The following MT4 variants were observed in gnomAD, a reference collection of about 807,000 sequenced individuals.
MT4 encodes the protein metallothionein 4, also known as metallothionein-4.
Under a neutral mutation model 9.5 loss-of-function variants are expected in MT4, and 11 were observed. The observed-to-expected ratio is 1.16, with a 90% CI of 0.73 to 1.92. The LOEUF is 1.92. Among genes scored for constraint, MT4 ranks in the 30% most tolerant of loss-of-function variants. The pLI is 0.00. For missense variants in MT4, 88 were observed against 78.7 expected (o/e 1.12, Z -0.45); for synonymous variants, 29 against 24.6 (o/e 1.18, Z -0.53).
chr16:56,568,620 AC>A (rs1959584425), intron 2 of MT4, among the ~76,000 whole-genome samples: 1 of 151,194 alleles, frequency 6.6e-6, no homozygotes, highest in Non-Finnish European at 1.5e-5. Context: ...ACCTTGGCAA[AC>A]CCCCTCCCTT....
intron 2 of MT4, among the ~76,000 whole-genome samples, chr16:56,568,269 GAGAGAAAGAAAGAA>G (rs1399843420): frequency 2.5e-4 from 21 of 84,550 alleles, no homozygotes; most frequent in African/African-American, 1.2e-3. Context: ...GAGAGAGAGA[GAGAGAAAGAAAGAA>G]AGAAAGAAAG....
chr16:56,567,482 A>G (rs1307393383), intron 1 of MT4, among the ~76,000 whole-genome samples: 1 of 152,052 alleles, frequency 6.6e-6, no homozygotes, highest in Admixed American at 6.6e-5. Context: ...AGAACATCTC[A>G]AGGGTTGGTC....
intron 1 of MT4, among the ~76,000 whole-genome samples, chr16:56,566,733 AGAAAGAAAGAAAGAAG>A (rs1436290561): frequency 3.0e-4 from 8 of 26,820 alleles, no homozygotes; most frequent in East Asian, 5.7e-4. Context: ...AAAGAAAGAA[AGAAAGAAAGAAAGAAG>A]GAAGGAAGGA....
Position 56,566,293 on chromosome 16 carries a change from G to A in MT4, c.31+1134G>A, listed in dbSNP as rs1959516725. On this transcript the variant is annotated intron_variant, in intron 1 of 2. Transcript: ENST00000219162. ...AATCCTGGCACTTGGGGAGTCCAAG[G>A]CAGGATGATCACTTATGCCCAAGGA... 2.0e-5 allele frequency among the ~76,000 whole-genome samples: 3 copies of A among 152,138 alleles called. No individual in the cohort carries two copies. The South Asian group carries it at 6.2e-4, about 32-fold the overall frequency.
chr16:56,568,271 G>GAAAGAAAGAAAGA (rs1349217551), intron 2 of MT4, among the ~76,000 whole-genome samples: 3 of 58,570 alleles, frequency 5.1e-5, no homozygotes, highest in African/African-American at 1.7e-4. Context: ...GAGAGAGAGA[G>GAAAGAAAGAAAGA]AGAAAGAAAG....
intron 1 of MT4, 24 bp from the exon 2 acceptor site, chr16:56,567,727 T>C (rs368681246): frequency 1.9e-6 from 3 of 1,610,332 alleles, no homozygotes; most frequent in African/African-American, 1.3e-5. Flanking sequence ...CTCACGTTTG[T>C]GGTGGCTCTG....
chr16:56,567,180 C>T (rs1036815583), intron 1 of MT4, among the ~76,000 whole-genome samples: 12 of 151,658 alleles, frequency 7.9e-5, no homozygotes, highest in Non-Finnish European at 1.5e-4. Context: ...TGTGCCACCA[C>T]GCCTGGCTAA....
intron 1 of MT4, among the ~76,000 whole-genome samples, chr16:56,567,267 A>G (rs1597046991): frequency 6.6e-6 from 1 of 151,022 alleles, no homozygotes; most frequent in South Asian, 2.1e-4. Context: ...CATGTGATTC[A>G]CCTGTCTTGG....
chr16:56,565,198 G>A (rs1257776859), intron 1 of MT4, 39 bp downstream of exon 1: 2 of 1,600,578 alleles, frequency 1.2e-6, no homozygotes, highest in Non-Finnish European at 1.7e-6. Flanking sequence ...GGGAACCTTG[G>A]ACCAGCTTCC....
At chr16:56,567,377 G>A (rs2144260041) in intron 1 of MT4, among the ~76,000 whole-genome samples, 1 of 152,212 alleles carries the variant, frequency 6.6e-6, no homozygotes, top group East Asian at 1.9e-4. Context: ...GCTTGGAAAC[G>A]CTGGCCTCGT....
chr16:56,567,164 C>A (rs1378793194), intron 1 of MT4, among the ~76,000 whole-genome samples: 3 of 151,996 alleles, frequency 2.0e-5, no homozygotes, highest in Non-Finnish European at 2.9e-5. Flanking sequence ...GCTGAGATTA[C>A]AGGTGTGTGC....
intron 2 of MT4, among the ~76,000 whole-genome samples, chr16:56,568,271 G>A (rs7499650): frequency 0.19 from 10,379 of 55,816 alleles, 1,155 homozygotes; most frequent in Middle Eastern, 0.24. Context: ...GAGAGAGAGA[G>A]AGAAAGAAAG....
rs1311324610 is a variant in MT4 at position 56,568,856 on chromosome 16, G to A, written c.113G>A (p.Cys38Tyr). The change falls in exon 3 of 3, where the codon TGC (cysteine) becomes TAC (tyrosine). Residue 38 changes from cysteine to tyrosine, a missense_variant. Cys to Tyr is a radical substitution (Grantham distance 194). Coordinates refer to ENST00000219162, the MANE Select transcript of MT4 (RefSeq NM_032935.3). The stretch of plus-strand genomic sequence containing the variant: ...ACTCTTTCAGGCTGCTGTCCCTGCT[G>A]CCCCCCGGGCTGTGCCAAATGTGCC... ...KTYWKSCCPC[C>Y]PPGCAKCARG... The A allele has an allele frequency of 1.9e-6, 3 of 1,603,988 alleles. No homozygotes were observed. The highest frequency in any genetic ancestry group is 2.2e-5 in the East Asian group (1 of 44,550).
intron 1 of MT4, among the ~76,000 whole-genome samples, chr16:56,566,568 G>A (rs74829562): frequency 0.036 from 5,133 of 143,002 alleles, 181 homozygotes; most frequent in African/African-American, 0.085. Flanking sequence ...GAGAGAGAAA[G>A]GGAGAAAGGG....
intron 2 of MT4, among the ~76,000 whole-genome samples, chr16:56,568,293 G>GAAAGAAA (rs1567330695): frequency 7.0e-6 from 1 of 142,622 alleles, no homozygotes; most frequent in Non-Finnish European, 1.5e-5. Flanking sequence ...AAGAAAGAAA[G>GAAAGAAA]AAAGAAAGAA....
Position 56,568,099 on chromosome 16 carries a change from G to A in MT4, c.97+283G>A, listed in dbSNP as rs569228306. Among the ~76,000 whole-genome samples the A allele has an allele frequency of 3.3e-5, 5 of 151,206 alleles. No homozygotes were observed. In the East Asian group the frequency reaches 9.7e-4, roughly 29 times the overall value. On this transcript the variant is annotated intron_variant, in intron 2 of 2. Coordinates refer to ENST00000219162, the MANE Select transcript of MT4 (RefSeq NM_032935.3). ...ACCCAGGAGGCAGAGGTTGCAGTGAGCAGAGATCACACCATTGCACTCCAG... is the reference window on the plus strand; with the variant it reads ...ACCCAGGAGGCAGAGGTTGCAGTGAACAGAGATCACACCATTGCACTCCAG...
At chr16:56,568,237 AAGAAAGAAAGAAAGAAAGAAAG>A (rs1291350894) in intron 2 of MT4, among the ~76,000 whole-genome samples, 4 of 29,234 alleles carry the variant, frequency 1.4e-4, no homozygotes, top group Admixed American at 3.7e-4. Context: ...GAAAGAAAGA[AAGAAAGAAAGAAAGAAAGAAAG>A]AGAGAGAGAG....
At position 56,565,144 on chromosome 16, in the gene MT4, T is replaced by G. The variant is rs1167966352; in HGVS notation, c.16T>G (p.Cys6Gly). The G allele has an allele frequency of 6.2e-7, 1 of 1,613,104 alleles. No homozygotes were observed. Among genetic ancestry groups the G allele is most frequent in the Admixed American group, 1.7e-5 (1 of 59,870 alleles). Residue 6 changes from cysteine to glycine, a missense_variant, in exon 1 of 3, where the codon TGT becomes GGT. By Grantham distance (159) the Cys-to-Gly change is radical. Transcript: ENST00000219162. MDPRE[C>G]VCMSGGICMC... ...CACCTGGACCATGGACCCCAGGGAA[T>G]GTGTCTGCATGTCTGGTGAGTAAAG... is the stretch of plus-strand genomic sequence containing the variant.
intron 1 of MT4, 134 bp from the exon 2 acceptor site, chr16:56,567,617 T>C: frequency 1.3e-6 from 1 of 756,932 alleles, no homozygotes; most frequent in Non-Finnish European, 2.3e-6. Flanking sequence ...TCAGCAGCCT[T>C]GTCACCCTCT....
Sources: gnomAD v4.1 joint callset for allele counts (sites outside exome capture counted in the v4.1 genomes callset) on GRCh38, gnomAD v4.1.1 for gene constraint, MANE v1.5 for transcripts, NCBI Gene and HGNC (gene_info 2026-07-23, HGNC 2026-07-21) for gene names.